KCNAB2: variants seen among roughly 807,000 people sequenced by gnomAD.
KCNAB2 encodes the protein voltage-gated potassium channel subunit beta-2.
Under a neutral mutation model 63.6 loss-of-function variants are expected in KCNAB2, and 29 were observed. The ratio of observed to expected loss-of-function variants is 0.46; its 90% CI spans 0.34 to 0.62. The LOEUF (loss-of-function observed/expected upper bound fraction) is 0.62, where lower values mean the gene tolerates loss of function less well. KCNAB2 is among the 20% of genes least tolerant of loss of function. The pLI is 0.01. For synonymous variants in KCNAB2, 222 were observed against 224.2 expected (o/e 0.99, Z 0.09); for missense variants, 359 against 563.9 (o/e 0.64, Z 3.68).
chr1:6,007,629 T>G (rs1400423825), intron 1 of KCNAB2: 1 of 152,402 alleles, frequency 6.6e-6, no homozygotes, highest in Admixed American at 6.5e-5. Flanking sequence ...TTTTCCTACC[T>G]TGGCTCACTT....
At chr1:6,097,530 G>T in intron 15 of KCNAB2, 173 bp downstream of exon 15, 3 of 1,143,272 alleles carry the variant, frequency 2.6e-6, no homozygotes, top group Non-Finnish European at 3.8e-6. Flanking sequence ...GAACAGACAT[G>T]AACACTAACT....
intron 4 of KCNAB2, 41 bp from the exon 5 acceptor site, chr1:6,082,154 C>A: frequency 6.4e-7 from 1 of 1,572,728 alleles, no homozygotes; most frequent in South Asian, 1.1e-5. Flanking sequence ...CTCTGGGCCC[C>A]ACCCCCGGCT....
At chr1:6,033,398 G>A (rs1659792723), upstream of KCNAB2, among the ~76,000 whole-genome samples, 1 of 151,206 alleles carries the variant, frequency 6.6e-6, no homozygotes, top group South Asian at 2.1e-4. Flanking sequence ...TGCATTGCAT[G>A]TGTGCCTGTA....
At chr1:6,029,460 T>G (rs951058410), upstream of KCNAB2, among the ~76,000 whole-genome samples, 1 of 152,092 alleles carries the variant, frequency 6.6e-6, no homozygotes, top group Non-Finnish European at 1.5e-5. Flanking sequence ...CAAGAGCAGC[T>G]TCACCTGCCT....
intron 1 of KCNAB2, among the ~76,000 whole-genome samples, chr1:6,016,783 C>T (rs1024951550): frequency 2.0e-5 from 3 of 152,182 alleles, no homozygotes; most frequent in African/African-American, 4.8e-5. Flanking sequence ...GCTTGACCAG[C>T]GTCAACTGGA....
chr1:6,028,606 C>T lies in KCNAB2; in HGVS notation c.-52-11911C>T, dbSNP rs950695121. Among the ~76,000 whole-genome samples the T allele has an allele frequency of 2.0e-5, 3 of 152,158 alleles. No individual in the cohort carries two copies. Among genetic ancestry groups the T allele is most frequent in the Admixed American group, 6.5e-5 (1 of 15,274 alleles). On this transcript the variant is annotated intron_variant, in intron 1 of 16. Transcript: ENST00000341524. The surrounding 1 kb of genome is among the most constrained non-coding windows in gnomAD (Gnocchi z 4.0). ...CACATGCTGGTGGCCGCTCTGGGTG[C>T]GGGGGTACATCCGTGAAGGAAAGAG...
chr1:6,005,350 ATGTGGGAG>A (rs1557922186), intron 1 of KCNAB2, among the ~76,000 whole-genome samples: 43 of 730 alleles, frequency 0.059, 12 homozygotes, highest in Admixed American at 0.095. Context: ...GAGTGGGGGG[ATGTGGGAG>A]CTGAGCTGAG....
chr1:6,007,458 GGAGCCA>G (rs1657872061), intron 1 of KCNAB2: 1 of 152,346 alleles, frequency 6.6e-6, no homozygotes, highest in South Asian at 2.1e-4. Flanking sequence ...GCAGCAGCTT[GGAGCCA>G]GAGCCGGAGG....
chr1:6,062,985 C>A (rs572656178), intron 2 of KCNAB2, among the ~76,000 whole-genome samples: 44 of 152,042 alleles, frequency 2.9e-4, no homozygotes, highest in Non-Finnish European at 4.4e-4. Context: ...ATTCCCACCC[C>A]CTGCAACCAC....
At position 6,098,713 on chromosome 1, in the gene KCNAB2, A is replaced by T; in HGVS notation, c.*139A>T. 8.9e-7 allele frequency: 1 copy of T among 1,122,846 alleles called. No individual in the cohort carries two copies. Among genetic ancestry groups the T allele is most frequent in the South Asian group, 1.6e-5 (1 of 63,540 alleles). 69.6% of individuals were successfully genotyped at this position (1,122,846 alleles called of 1,614,324 possible). A position where few individuals can be genotyped will look rare whatever the true frequency, so the allele number is the denominator to read the frequency against. ...CACACTGTGATGTCATCGGGAAATG[A>T]TCTCCCAAGTCGCTGCCAGACACCA... On this transcript the variant is annotated 3_prime_UTR_variant, in exon 16 of 16. Coordinates refer to ENST00000378083, the MANE Select transcript of KCNAB2 (RefSeq NM_001199862.2).
intron 1 of KCNAB2, among the ~76,000 whole-genome samples, chr1:5,999,550 C>G (rs1557916094): frequency 6.6e-6 from 1 of 152,208 alleles, no homozygotes; most frequent in African/African-American, 2.4e-5. Context: ...AGCCCACATT[C>G]TACTGGAATG....
chr1:6,096,747 C>A lies in KCNAB2; in HGVS notation c.1060C>A (p.Leu354Met). 1.9e-6 allele frequency: 3 copies of A among 1,583,918 alleles called. No homozygotes were observed. Among genetic ancestry groups the A allele is most frequent in the East Asian group, 2.3e-5 (1 of 43,728 alleles). Reference sequence around the variant, plus strand: ...GCGCCTGGGCTGCACCCTGCCCCAGCTGGCCATAGGTAACGGTGGGGTCGC... The same window carrying A: ...GCGCCTGGGCTGCACCCTGCCCCAGATGGCCATAGGTAACGGTGGGGTCGC... ...AERLGCTLPQ[L>M]AIAWCLRNEG... Residue 354 changes from leucine to methionine, a missense_variant, in exon 14 of 16, where the codon CTG becomes ATG. Physicochemically the swap from Leu to Met is conservative, Grantham distance 15 (BLOSUM62 2). This residue lies in a region of KCNAB2 where 271 missense variants were observed against 476.1 expected (regional missense o/e 0.57). Transcript: ENST00000378083. This position sits in a 1 kb window ranked among gnomAD's most constrained non-coding sequence, Gnocchi z 5.9.
rs1171286753 is a variant in KCNAB2 at position 6,028,021 on chromosome 1, AC to A, written c.-52-12492del. Among the ~76,000 whole-genome samples the A allele has an allele frequency of 6.6e-6, 1 of 152,048 alleles. No homozygotes were observed. Among genetic ancestry groups the A allele is most frequent in the Non-Finnish European group, 1.5e-5 (1 of 68,024 alleles). On this transcript the variant is annotated intron_variant, in intron 1 of 16. Coordinates refer to the KCNAB2 transcript ENST00000341524. The surrounding 1 kb of genome is among the most constrained non-coding windows in gnomAD (Gnocchi z 4.0). Reference sequence around the variant, plus strand: ...GGAACTGGGTTATGTTGACCTCCCAACCCCTGCCCACCCTCTGGGGTGTCCT... The same window carrying A: ...GGAACTGGGTTATGTTGACCTCCCAACCCTGCCCACCCTCTGGGGTGTCCT...
chr1:6,090,611 G>A lies in KCNAB2; in HGVS notation c.601+136G>A, dbSNP rs367838951. 1.2e-3 allele frequency: 786 copies of A among 643,080 alleles called. 5 individuals carry two copies. The highest frequency in any genetic ancestry group is 2.0e-3 in the South Asian group (106 of 54,016). 39.8% of individuals were successfully genotyped at this position (643,080 alleles called of 1,614,324 possible). A position where few individuals can be genotyped will look rare whatever the true frequency, so the allele number is the denominator to read the frequency against. ...CGTGAGAGGAGGCCGGGTCCAGGGT[G>A]GGGGGCGAGGGGGCAGGCCTCCCCT... On this transcript the variant is annotated intron_variant, in intron 9 of 15. Transcript: ENST00000378083.
chr1:6,099,951 G>A lies in KCNAB2; in HGVS notation c.*1377G>A. 1.3e-6 allele frequency: 2 copies of A among 1,550,302 alleles called. No individual in the cohort carries two copies. The highest frequency in any genetic ancestry group is 1.7e-6 in the Non-Finnish European group (2 of 1,146,850). On this transcript the variant is annotated 3_prime_UTR_variant, in exon 16 of 16. Coordinates refer to ENST00000378083, the MANE Select transcript of KCNAB2 (RefSeq NM_001199862.2). ...CAGGCCCAGGCCTGTGTCCCAAGCA[G>A]TACCCAGGCTTTGCAGACCACGCGG...
Position 6,098,529 on chromosome 1 carries a change from T to C in KCNAB2, c.1203T>C (p.Ser401=). Residue 401 remains serine, a synonymous_variant, in exon 16 of 16, where the codon AGT becomes AGC. Coordinates refer to ENST00000378083, the MANE Select transcript of KCNAB2 (RefSeq NM_001199862.2). ...CTTCCATTATCCACGAGATTGATAG[T>C]ATTTTGGGCAATAAACCCTACAGCA... ...LSSSIIHEID[S]ILGNKPYSKK... 6.2e-7 allele frequency: 1 copy of C among 1,614,016 alleles called. No homozygotes were observed. Among genetic ancestry groups the C allele is most frequent in the South Asian group, 1.1e-5 (1 of 91,072 alleles).
chr1:6,051,966 G>A (rs1347871321), intron 2 of KCNAB2, among the ~76,000 whole-genome samples: 1 of 152,156 alleles, frequency 6.6e-6, no homozygotes, highest in African/African-American at 2.4e-5. Context: ...GCCAGGCATA[G>A]TGGGGCGCAC....
chr1:6,045,886 GGAGTCAGCCTT>G, exon 1 of KCNAB2: 1 of 985,426 alleles, frequency 1.0e-6, no homozygotes, highest in Non-Finnish European at 1.2e-6. This position sits in a 1 kb window ranked among gnomAD's most constrained non-coding sequence, Gnocchi z 4.8. Context: ...CCACGCACCG[GGAGTCAGCCTT>G]GCCAGGTTGC....
intron 5 of KCNAB2, among the ~76,000 whole-genome samples, chr1:6,083,608 G>A (rs1039389438): frequency 6.6e-5 from 10 of 152,196 alleles, no homozygotes; most frequent in African/African-American, 2.2e-4. Context: ...CTCCTGGGCC[G>A]GCCACTGCGG....
Sources: gnomAD v4.1 joint callset for allele counts (sites outside exome capture counted in the v4.1 genomes callset) on GRCh38, gnomAD v4.1.1 for gene constraint, gnomAD v4.1.1 regional missense constraint, Gnocchi (gnomAD v3.1) non-coding constraint, MANE v1.5 for transcripts, NCBI Gene and HGNC (gene_info 2026-07-23, HGNC 2026-07-21) for gene names.